CNTN6: variants seen among roughly 807,000 people sequenced by gnomAD.
CNTN6 encodes the protein contactin-6.
Under a neutral mutation model 122.8 loss-of-function variants are expected in CNTN6, and 137 were observed. The observed-to-expected ratio is 1.12, with a 90% CI of 0.97 to 1.29. CNTN6 has a LOEUF of 1.29. Ranked by LOEUF, CNTN6 falls within the 50% of genes most tolerant of loss-of-function variation. The pLI is 0.00. For missense variants in CNTN6, 1,634 were observed against 1,223.4 expected (o/e 1.34, Z -5.01); for synonymous variants, 570 against 426.0 (o/e 1.34, Z -4.16).
chr3:1,179,230 G>T (rs1326104705), intron 2 of CNTN6, among the ~76,000 whole-genome samples: 1 of 152,096 alleles, frequency 6.6e-6, no homozygotes, highest in African/African-American at 2.4e-5. Flanking sequence ...ATTCATGAGG[G>T]ATCTGCCCTC....
chr3:1,315,344 G>C (rs138346788), intron 7 of CNTN6, among the ~76,000 whole-genome samples: 1 of 152,104 alleles, frequency 6.6e-6, no homozygotes, highest in East Asian at 1.9e-4. Flanking sequence ...AGGAGAAACA[G>C]TCTATTAGTG....
intron 21 of CNTN6, among the ~76,000 whole-genome samples, chr3:1,401,850 G>C (rs955511157): frequency 2.6e-5 from 4 of 151,900 alleles, no homozygotes; most frequent in Admixed American, 2.6e-4. Flanking sequence ...ATGACAATGA[G>C]ATCAAAAAAT....
intron 2 of CNTN6, among the ~76,000 whole-genome samples, chr3:1,193,117 G>C (rs930267966): frequency 1.3e-5 from 2 of 152,186 alleles, no homozygotes; most frequent in Admixed American, 1.3e-4. Flanking sequence ...CCACCTGCTA[G>C]CCATATTGAG....
intron 2 of CNTN6, among the ~76,000 whole-genome samples, chr3:1,167,803 G>A (rs1026441730): frequency 1.3e-5 from 2 of 152,076 alleles, no homozygotes; most frequent in Admixed American, 1.3e-4. Flanking sequence ...CAGAGTGAAG[G>A]GATGCTAACA....
chr3:1,229,999 A>G (rs566963456), intron 4 of CNTN6, among the ~76,000 whole-genome samples: 2 of 152,136 alleles, frequency 1.3e-5, no homozygotes, highest in Admixed American at 6.5e-5. Flanking sequence ...TTCTCATTGT[A>G]TCCGGGGAGA....
intron 4 of CNTN6, among the ~76,000 whole-genome samples, chr3:1,234,227 A>G (rs1197973256): frequency 6.6e-6 from 1 of 152,174 alleles, no homozygotes; most frequent in Non-Finnish European, 1.5e-5. Flanking sequence ...TTGTAGACAG[A>G]GGAAGTAAAT....
rs1283984750 is a variant in CNTN6, at chr3:1,320,056, TG to T, written c.762-1593del. Among the ~76,000 whole-genome samples, 10 of 151,624 alleles carry T rather than the reference TG, an allele frequency of 6.6e-5. 1 individual carries two copies. The East Asian group carries it at 1.9e-3, about 29-fold the overall frequency. On this transcript the variant is annotated intron_variant, in intron 7 of 22. Coordinates refer to ENST00000446702, the MANE Select transcript of CNTN6 (RefSeq NM_001289080.2). Reference sequence around the variant, plus strand: ...ATTGGTTAGTATGCCATAAAATGAATGAAAAAGAACATCAGTTATCTGAGGT... The same window carrying T: ...ATTGGTTAGTATGCCATAAAATGAATAAAAAGAACATCAGTTATCTGAGGT...
At chr3:1,325,709 G>T in intron 8 of CNTN6, 106 bp from the exon 9 acceptor site, 2 of 1,173,008 alleles carry the variant, frequency 1.7e-6, no homozygotes, top group South Asian at 1.7e-5. Flanking sequence ...AATCCAACTG[G>T]ACCCAGTTAG....
At chr3:1,133,592 C>T (rs1315847368) in intron 1 of CNTN6, among the ~76,000 whole-genome samples, 2 of 152,168 alleles carry the variant, frequency 1.3e-5, no homozygotes, top group Non-Finnish European at 2.9e-5. Flanking sequence ...ATGGACTCAG[C>T]TGTGACTGCC....
rs1296693645 is a variant in CNTN6, at chr3:1,339,059, G to T, written c.1364+9124G>T. On this transcript the variant is annotated intron_variant, in intron 11 of 22. Coordinates refer to ENST00000446702, the MANE Select transcript of CNTN6 (RefSeq NM_001289080.2). ...CCAAACAAGCAGTGAAGCTGTCAGA[G>T]CACTCTTTTTTTTTTAAGCCACTGA... Among the ~76,000 whole-genome samples, 4 of 151,684 alleles carry T rather than the reference G, an allele frequency of 2.6e-5. No homozygotes were observed. In the South Asian group the frequency reaches 8.3e-4, roughly 32 times the overall value.
In CNTN6 at chr3:1,402,407, C is replaced by G; in HGVS notation, c.2907C>G (p.Asp969Glu). Residue 969 changes from aspartate to glutamate, a missense_variant, in exon 22 of 23, where the codon GAC becomes GAG. Transcript: ENST00000446702. Reference protein sequence around the residue: ...SAELLVPFEEDYLIEIRTVSD... With the variant: ...SAELLVPFEEEYLIEIRTVSD... ...AGCTTCTGGTTCCATTTGAAGAAGA[C>G]TACTTAATTGAAATAAGAACAGTCA... 1 of 1,612,320 alleles carries G rather than the reference C, an allele frequency of 6.2e-7. No individual in the cohort carries two copies. Among genetic ancestry groups the G allele is most frequent in the East Asian group, 2.2e-5 (1 of 44,814 alleles).
intron 1 of CNTN6, chr3:1,128,427 C>G (rs1373214241): frequency 6.6e-6 from 1 of 151,954 alleles, no homozygotes; most frequent in Non-Finnish European, 1.5e-5. Flanking sequence ...CTAATTTATC[C>G]TGTGCACAAT....
intron 4 of CNTN6, among the ~76,000 whole-genome samples, chr3:1,241,215 G>T (rs2094478773): frequency 1.3e-5 from 2 of 152,092 alleles, no homozygotes; most frequent in Admixed American, 6.6e-5. Flanking sequence ...GCGATGGCCT[G>T]GCCTGGGCTC....
chr3:1,104,919 AC>A, intron 1 of CNTN6, among the ~76,000 whole-genome samples: 1 of 152,230 alleles, frequency 6.6e-6, no homozygotes, highest in East Asian at 1.9e-4. Flanking sequence ...TTTTACTCAA[AC>A]CAATAACCTA....
chr3:1,151,932 G>A (rs2092852087), intron 2 of CNTN6, among the ~76,000 whole-genome samples: 1 of 152,070 alleles, frequency 6.6e-6, no homozygotes, highest in South Asian at 2.1e-4. Flanking sequence ...GTTTAATATA[G>A]ACTAAGAACG....
intron 4 of CNTN6, among the ~76,000 whole-genome samples, chr3:1,254,868 C>T (rs961459401): frequency 6.6e-6 from 1 of 152,020 alleles, no homozygotes; most frequent in South Asian, 2.1e-4. Flanking sequence ...CCATGATGTC[C>T]AGCAGTAAAC....
At chr3:1,093,404 T>A (rs2090343558) in intron 1 of CNTN6, among the ~76,000 whole-genome samples, 1 of 152,228 alleles carries the variant, frequency 6.6e-6, no homozygotes, top group Non-Finnish European at 1.5e-5. Context: ...GTTTCACTAG[T>A]CTTTGCTGCA....
At chr3:1,356,264 A>C (rs1203238685) in intron 12 of CNTN6, among the ~76,000 whole-genome samples, 1 of 151,816 alleles carries the variant, frequency 6.6e-6, no homozygotes, top group East Asian at 1.9e-4. Flanking sequence ...TTGTTTCCCC[A>C]CTGGAGAAGT....
rs760321850 is a variant in CNTN6 at position 1,295,790 on chromosome 3, T to C, written c.644T>C (p.Val215Ala). The change falls in exon 6 of 23, where the codon GTG becomes GCG. Residue 215 changes from valine to alanine, a missense_variant. Val to Ala is a moderately conservative substitution (Grantham distance 64, BLOSUM62 0). Coordinates refer to ENST00000446702, the MANE Select transcript of CNTN6 (RefSeq NM_001289080.2). ...GTTCAAGGTCCACCCACTCCATTAG[T>C]GCAGCGCACTGATGGTAAGATAATG... ...RSVQGPPTPL[V>A]QRTDGVMGEY... 25 of 1,613,632 alleles carry C rather than the reference T, an allele frequency of 1.5e-5. No homozygotes were observed. The highest frequency in any genetic ancestry group is 2.1e-5 in the Non-Finnish European group (25 of 1,179,534).
Sources: allele counts gnomAD v4.1 joint callset (sites outside exome capture counted in the v4.1 genomes callset), GRCh38; gene constraint gnomAD v4.1.1; transcripts MANE v1.5; gene names NCBI Gene and HGNC (gene_info 2026-07-23, HGNC 2026-07-21).